EIF4G3: variants seen among roughly 807,000 people sequenced by gnomAD.
The protein encoded by EIF4G3 is eukaryotic translation initiation factor 4 gamma 3, also known as eIF-4-gamma 3.
In EIF4G3, 34 loss-of-function variants were observed where a neutral mutation model predicts 186.4. That is an observed-to-expected ratio of 0.18 (90% CI 0.14 to 0.24). The LOEUF is 0.24. Ranked by LOEUF, EIF4G3 falls within the 10% of genes least tolerant of loss-of-function variation. EIF4G3 has a pLI of 1.00. For synonymous variants in EIF4G3, 673 were observed against 679.5 expected (o/e 0.99, Z 0.15); for missense variants, 1,536 against 1,948.5 (o/e 0.79, Z 3.99).
In EIF4G3 at chr1:20,958,505, A is replaced by G. The variant is rs548361730; in HGVS notation, c.715-8394T>C. Among the ~76,000 whole-genome samples, 5 of 152,248 alleles carry G rather than the reference A, an allele frequency of 3.3e-5. No individual in the cohort carries two copies. The South Asian group carries it at 1.0e-3, about 32-fold the overall frequency. ...ACAGGAACAAGACAAGGATGCCTAC[A>G]TTTCACCACCTCTATTCAACATAGT... is the stretch of plus-strand genomic sequence containing the variant. On this transcript the variant is annotated intron_variant, in intron 12 of 36. Coordinates refer to ENST00000602326, the MANE Select transcript of EIF4G3 (RefSeq NM_001391906.1).
chr1:21,052,031 C>T (rs2094247331), intron 3 of EIF4G3, among the ~76,000 whole-genome samples: 1 of 152,008 alleles, frequency 6.6e-6, no homozygotes, highest in South Asian at 2.1e-4. Context: ...AGAGATATAC[C>T]AAAATCTTAA....
chr1:20,831,878 G>T (rs1258063071), intron 30 of EIF4G3, among the ~76,000 whole-genome samples: 1 of 142,610 alleles, frequency 7.0e-6, no homozygotes, highest in Non-Finnish European at 1.5e-5. Context: ...TTGTTCTTGC[G>T]ATAGTTTACT....
At chr1:21,005,607 T>G (rs1200684518) in intron 4 of EIF4G3, among the ~76,000 whole-genome samples, 1 of 152,124 alleles carries the variant, frequency 6.6e-6, no homozygotes, top group Non-Finnish European at 1.5e-5. Flanking sequence ...TTAACAACAT[T>G]TTCAACACTC....
intron 28 of EIF4G3, among the ~76,000 whole-genome samples, chr1:20,850,715 C>T (rs1281401211): frequency 6.6e-6 from 1 of 152,030 alleles, no homozygotes; most frequent in Admixed American, 6.6e-5. Context: ...ACAACTTATC[C>T]CCATTTAACA....
At chr1:21,152,074 A>G (rs2097560140) in intron 2 of EIF4G3, among the ~76,000 whole-genome samples, 1 of 152,216 alleles carries the variant, frequency 6.6e-6, no homozygotes, top group African/African-American at 2.4e-5. Flanking sequence ...AGGGATTAAA[A>G]GGCTCAGAAG....
intron 7 of EIF4G3, among the ~76,000 whole-genome samples, chr1:20,988,944 G>C (rs2080224616): frequency 6.7e-6 from 1 of 149,784 alleles, no homozygotes; most frequent in African/African-American, 2.5e-5. Flanking sequence ...TGTACGACTG[G>C]AGTCCCAGCT....
chr1:21,176,864 C>T lies in EIF4G3; in HGVS notation c.-598G>A, dbSNP rs931786381. 45 of 699,774 alleles carry T rather than the reference C, an allele frequency of 6.4e-5. No individual in the cohort carries two copies. Among genetic ancestry groups the T allele is most frequent in the African/African-American group, 2.8e-4 (16 of 57,008 alleles). The allele number at this position is 699,774 out of a possible 1,614,324, so 43.3% of individuals were successfully genotyped here. ...AACGAGCAGAGCATCCAACATGGCG[C>T]TGTGGCCGCCTCCAGCAGTCCGGCA... On this transcript the variant is annotated 5_prime_UTR_variant, in exon 1 of 37. Transcript: ENST00000602326.
rs772924935 is a variant in EIF4G3, at chr1:20,862,207, A to G, written c.3111+21T>C. The G allele has an allele frequency of 5.5e-6, 7 of 1,282,120 alleles. No individual in the cohort carries two copies. In the African/African-American group the frequency reaches 5.9e-5, roughly 11 times the overall value. The allele number at this position is 1,282,120 out of a possible 1,614,324, so 79.4% of individuals were successfully genotyped here. A position where few individuals can be genotyped will look rare whatever the true frequency, so the allele number is the denominator to read the frequency against. The stretch of plus-strand genomic sequence containing the variant: ...AAGAGACTGGACCAGCAGGCTTATT[A>G]TTATTTTTTTTCCCACTCACCAGCC... On this transcript the variant is annotated intron_variant, in intron 23 of 36. Transcript: ENST00000602326.
At chr1:21,055,271 G>A (rs1362576358) in intron 3 of EIF4G3, among the ~76,000 whole-genome samples, 1 of 151,686 alleles carries the variant, frequency 6.6e-6, no homozygotes, top group Non-Finnish European at 1.5e-5. Context: ...TTTTAACACG[G>A]GAAAAATTCT....
At chr1:21,108,915 A>C (rs1387673704) in intron 2 of EIF4G3, among the ~76,000 whole-genome samples, 1 of 150,212 alleles carries the variant, frequency 6.7e-6, no homozygotes, top group Non-Finnish European at 1.5e-5. Context: ...AAAAAAAAAA[A>C]AAAAAAAAAA....
At chr1:20,834,629 A>G (rs2066226374) in intron 30 of EIF4G3, among the ~76,000 whole-genome samples, 2 of 152,212 alleles carry the variant, frequency 1.3e-5, no homozygotes, top group Admixed American at 6.5e-5. Context: ...GTCAAAAACT[A>G]TAAAAAGAGA....
At chr1:20,846,700 C>A (rs905020452) in intron 29 of EIF4G3, among the ~76,000 whole-genome samples, 5 of 152,166 alleles carry the variant, frequency 3.3e-5, no homozygotes, top group Non-Finnish European at 7.3e-5. Flanking sequence ...TAAAATGTGG[C>A]TAGCACACTT....
chr1:20,814,428 G>T, intron 34 of EIF4G3, among the ~76,000 whole-genome samples: 1 of 152,102 alleles, frequency 6.6e-6, no homozygotes, highest in East Asian at 1.9e-4. Context: ...ATTATACAGT[G>T]TTATGTACTT....
At chr1:21,072,182 G>A (rs1179662865) in intron 3 of EIF4G3, among the ~76,000 whole-genome samples, 1 of 152,038 alleles carries the variant, frequency 6.6e-6, no homozygotes, top group Non-Finnish European at 1.5e-5. Flanking sequence ...AATAAAGTTG[G>A]ACATTCCAAG....
At chr1:20,819,501 G>A (rs979958639) in intron 33 of EIF4G3, among the ~76,000 whole-genome samples, 4 of 150,028 alleles carry the variant, frequency 2.7e-5, no homozygotes, top group Non-Finnish European at 4.4e-5. Context: ...TCTTTTGCCC[G>A]GGTTGCAGTG....
At chr1:21,160,738 A>G (rs4457549) in intron 2 of EIF4G3, among the ~76,000 whole-genome samples, 85,225 of 152,038 alleles carry the variant, frequency 0.56, 24,262 homozygotes, top group East Asian at 0.76. Flanking sequence ...AAGGAAAGTC[A>G]CAGGAATCGT....
intron 3 of EIF4G3, among the ~76,000 whole-genome samples, chr1:21,053,847 G>A (rs1210295602): frequency 2.1e-5 from 3 of 144,186 alleles, no homozygotes; most frequent in African/African-American, 7.8e-5. Context: ...GAGGGAGGTG[G>A]GGGGGTCAGC....
intron 33 of EIF4G3, among the ~76,000 whole-genome samples, chr1:20,819,415 CTT>C (rs1170691787): frequency 2.0e-5 from 3 of 148,808 alleles, no homozygotes; most frequent in Non-Finnish European, 4.5e-5. Flanking sequence ...CCTCCGATTG[CTT>C]TTTTTTTCTT....
At chr1:20,981,248 AAAT>A in intron 8 of EIF4G3, 21 bp from the exon 9 acceptor site, 1 of 1,544,500 alleles carries the variant, frequency 6.5e-7, no homozygotes, top group South Asian at 1.2e-5. Flanking sequence ...GAGAAAAAAA[AAAT>A]TTTTTTTTTT....
Sources: allele counts gnomAD v4.1 joint callset (sites outside exome capture counted in the v4.1 genomes callset), GRCh38; gene constraint gnomAD v4.1.1; transcripts MANE v1.5; gene names NCBI Gene and HGNC (gene_info 2026-07-23, HGNC 2026-07-21).